Variants in ATP8B3 observed in about 807,000 individuals in gnomAD.
The protein encoded by ATP8B3 is ATPase phospholipid transporting 8B3, also known as phospholipid-transporting ATPase IK.
Under a neutral mutation model 140.9 loss-of-function variants are expected in ATP8B3, and 141 were observed. The observed-to-expected ratio is 1.00, with a 90% CI of 0.87 to 1.15. The LOEUF is 1.15. Among genes scored for constraint, ATP8B3 ranks in the 50% most tolerant of loss-of-function variants. The pLI is 0.00. For missense variants in ATP8B3, 1,874 were observed against 1,740.6 expected (o/e 1.08, Z -1.36); for synonymous variants, 765 against 714.6 (o/e 1.07, Z -1.13).
rs759376075 is a variant in ATP8B3, at chr19:1,811,504, T to G, written c.233A>C (p.Glu78Ala). 6.2e-7 allele frequency: 1 copy of G among 1,611,824 alleles called. No homozygotes were observed. The highest frequency in any genetic ancestry group is 2.2e-5 in the East Asian group (1 of 44,856). The change falls in exon 2 of 29, where the codon GAA becomes GCA. Residue 78 changes from glutamate (E) to alanine (A), a missense_variant. By Grantham distance (107) the Glu-to-Ala change is moderately radical. Transcript: ENST00000310127. ...CCGTCCTCACCCTTCTGGTCTCCAT[T>G]CATACTTCCTAGCCCGGCCAGGCTG... ...KAQPGRARKY[E>A]WRPEGPTSMG...
At chr19:1,797,069 C>G (rs1224647210) in intron 14 of ATP8B3, 64 bp from the exon 15 acceptor site, 18 of 1,608,254 alleles carry the variant, frequency 1.1e-5, no homozygotes, top group Non-Finnish European at 1.5e-5. Flanking sequence ...TCCCATAGCC[C>G]CTGACCCCTA....
At chr19:1,784,274 T>C (rs1399169474) in intron 28 of ATP8B3, among the ~76,000 whole-genome samples, 2 of 152,152 alleles carry the variant, frequency 1.3e-5, no homozygotes, top group East Asian at 3.9e-4. Context: ...CAACATGTTA[T>C]GAGGCCAAGG....
At chr19:1,811,343 G>C in intron 2 of ATP8B3, 146 bp downstream of exon 2, 1 of 1,154,132 alleles carries the variant, frequency 8.7e-7, no homozygotes, top group South Asian at 1.7e-5. Context: ...GCCCTGCACC[G>C]GGGGCCCTGG....
At chr19:1,802,364 T>G in intron 11 of ATP8B3, 123 bp downstream of exon 11, 1 of 753,960 alleles carries the variant, frequency 1.3e-6, no homozygotes, top group South Asian at 1.8e-5. Flanking sequence ...TATTTGTCTA[T>G]CCATCCATGC....
chr19:1,798,503 C>T (rs540947487), intron 14 of ATP8B3, among the ~76,000 whole-genome samples: 2 of 152,116 alleles, frequency 1.3e-5, no homozygotes, highest in East Asian at 3.9e-4. Context: ...CTTTGGGAGG[C>T]TGAGGCAGGC....
chr19:1,800,948 C>T lies in ATP8B3; in HGVS notation c.1153-499G>A, dbSNP rs916635037. Reference sequence around the variant, plus strand: ...GGTTCACACCATTCTCCTGCCTCAGCCTCCCGAGTAGCTGGGACTACAGGC... The same window carrying T: ...GGTTCACACCATTCTCCTGCCTCAGTCTCCCGAGTAGCTGGGACTACAGGC... On this transcript the variant is annotated intron_variant, in intron 12 of 28. Transcript: ENST00000310127. The surrounding 1 kb of genome is among the most constrained non-coding windows in gnomAD (Gnocchi z 4.4). 2.6e-5 allele frequency among the ~76,000 whole-genome samples: 4 copies of T among 151,404 alleles called. No individual in the cohort carries two copies. Among genetic ancestry groups the T allele is most frequent in the African/African-American group, 9.7e-5 (4 of 41,292 alleles).
At position 1,806,129 on chromosome 19, in the gene ATP8B3, C is replaced by T. The variant is rs774962930; in HGVS notation, c.718G>A (p.Val240Met). Reference protein sequence around the residue: ...KKWQDLCVGDVVCLRKDNIVP... With the variant: ...KKWQDLCVGDMVCLRKDNIVP... ...ATGTTGTCCTTGCGGAGACAGACCA[C>T]ATCCCCCACGCACAGATCCTGCCAT... The change falls in exon 8 of 29, where the codon GTG (valine) becomes ATG (methionine). Residue 240 changes from valine to methionine, a missense_variant. By Grantham distance (21) the Val-to-Met change is conservative. Coordinates refer to ENST00000310127, the MANE Select transcript of ATP8B3 (RefSeq NM_138813.4). The surrounding 1 kb of genome is among the most constrained non-coding windows in gnomAD (Gnocchi z 5.6). 5 of 1,602,582 alleles carry T rather than the reference C, an allele frequency of 3.1e-6. No homozygotes were observed. The African/African-American group carries it at 5.4e-5, about 17-fold the overall frequency.
Position 1,789,679 on chromosome 19 carries a change from T to C in ATP8B3, c.2527A>G (p.Asn843Asp). 1 of 1,599,194 alleles carries C rather than the reference T, an allele frequency of 6.3e-7. No individual in the cohort carries two copies. Among genetic ancestry groups the C allele is most frequent in the Non-Finnish European group, 8.5e-7 (1 of 1,175,698 alleles). Residue 843 changes from asparagine to aspartate, a missense_variant, in exon 23 of 29, where the codon AAC becomes GAC. Coordinates refer to ENST00000310127, the MANE Select transcript of ATP8B3 (RefSeq NM_138813.4). ...LRKEPRALAQ[N>D]VNMDEAWQEL... ...TGCCACGCCTCGTCCATGTTCACGT[T>C]CTGCGCCAGGGCGCGCGGCTCCTTC...
Position 1,783,041 on chromosome 19 carries a change from T to C in ATP8B3, c.3890A>G (p.Lys1297Arg). 6.2e-7 allele frequency: 1 copy of C among 1,607,686 alleles called. No homozygotes were observed. Among genetic ancestry groups the C allele is most frequent in the Non-Finnish European group, 8.5e-7 (1 of 1,177,278 alleles). Residue 1297 changes from lysine to arginine, a missense_variant, in exon 29 of 29, where the codon AAA becomes AGA. Physicochemically the swap from Lys to Arg is conservative, Grantham distance 26. Around this residue, in one of 3 missense-constraint regions of ATP8B3, gnomAD observed 840 missense variants for 760.9 expected, o/e 1.10. Coordinates refer to ENST00000310127, the MANE Select transcript of ATP8B3 (RefSeq NM_138813.4). ...PSDEEAASSP[K>R]ESQ ...CTTCCTGAGGTGTCACTGTGACTCTTTTGGGCTCGAAGCTGCCTCTTCATC... is the reference window on the plus strand; with the variant it reads ...CTTCCTGAGGTGTCACTGTGACTCTCTTGGGCTCGAAGCTGCCTCTTCATC...
In ATP8B3 at chr19:1,805,801, G is replaced by T; in HGVS notation, c.821+87C>A. 6.5e-7 allele frequency: 1 copy of T among 1,530,124 alleles called. No homozygotes were observed. The highest frequency in any genetic ancestry group is 9.0e-7 in the Non-Finnish European group (1 of 1,114,834). The allele number at this position is 1,530,124 out of a possible 1,614,324, so 94.8% of individuals were successfully genotyped here. On this transcript the variant is annotated intron_variant, in intron 9 of 28. Transcript: ENST00000310127. The surrounding 1 kb of genome is among the most constrained non-coding windows in gnomAD (Gnocchi z 5.2). ...CAAAGTCTCTGAGCGACCTTGGCTG[G>T]CCGCCTCCTTGGTGACTGGGGAAGG...
Position 1,805,043 on chromosome 19 carries a change from C to T in ATP8B3, c.904+331G>A. The T allele has an allele frequency of 3.4e-5, 13 of 385,158 alleles. No individual in the cohort carries two copies. The highest frequency in any genetic ancestry group is 2.6e-4 in the South Asian group (12 of 46,890). 23.9% of individuals were successfully genotyped at this position (385,158 alleles called of 1,614,324 possible). Reference sequence around the variant, plus strand: ...CAGGCTGAGTGCAGTGATGTGATCACAGCTCACTGCAGCCTCAGCCTCCCT... The same window carrying T: ...CAGGCTGAGTGCAGTGATGTGATCATAGCTCACTGCAGCCTCAGCCTCCCT... On this transcript the variant is annotated intron_variant, in intron 10 of 28. Coordinates refer to ENST00000310127, the MANE Select transcript of ATP8B3 (RefSeq NM_138813.4). This position sits in a 1 kb window ranked among gnomAD's most constrained non-coding sequence, Gnocchi z 5.2.
rs779737334 is a variant in ATP8B3, at chr19:1,789,746, G to C, written c.2479-19C>G. 5.8e-6 allele frequency: 9 copies of C among 1,543,060 alleles called. No individual in the cohort carries two copies. The Admixed American group carries it at 1.5e-4, about 26-fold the overall frequency. Reference sequence around the variant, plus strand: ...GTTTGTCCTGGCCGGCGGGGAGGGGGCTGTGCCAGGCGCCGTGGCCTCCAG... The same window carrying C: ...GTTTGTCCTGGCCGGCGGGGAGGGGCCTGTGCCAGGCGCCGTGGCCTCCAG... On this transcript the variant is annotated intron_variant, in intron 22 of 28. Transcript: ENST00000310127.
chr19:1,786,137 T>C (rs1309256460), intron 25 of ATP8B3, among the ~76,000 whole-genome samples: 1 of 149,964 alleles, frequency 6.7e-6, no homozygotes, highest in Non-Finnish European at 1.5e-5. Flanking sequence ...GTCTACAGAA[T>C]AAAATAAAAT....
intron 14 of ATP8B3, among the ~76,000 whole-genome samples, chr19:1,798,211 T>A (rs889037312): frequency 1.3e-5 from 2 of 151,878 alleles, no homozygotes; most frequent in African/African-American, 4.8e-5. Context: ...CCTCAGGTGA[T>A]CCACCCGCCT....
Position 1,795,956 on chromosome 19 carries a change from G to A in ATP8B3, c.1974C>T (p.Tyr658=), listed in dbSNP as rs773841261. 1.9e-6 allele frequency: 3 copies of A among 1,613,274 alleles called. No individual in the cohort carries two copies. Among genetic ancestry groups the A allele is most frequent in the Non-Finnish European group, 1.7e-6 (2 of 1,179,862 alleles). Residue 658 remains tyrosine (Y), a synonymous_variant, in exon 18 of 29, where the codon TAC becomes TAT. Transcript: ENST00000310127. Reference sequence around the variant, plus strand: ...AGATGACCGTGTCGGCGCCCTTGGTGTACAGGCAGATGGCGCCCTCTGGCT... The same window carrying A: ...AGATGACCGTGTCGGCGCCCTTGGTATACAGGCAGATGGCGCCCTCTGGCT... ...VRKPEGAICL[Y]TKGADTVIFE... is the part of the protein sequence containing the mutation.
chr19:1,800,556 A>C lies in ATP8B3; in HGVS notation c.1153-107T>G. ...AGGCTGGGGCTGGGCACAGTGGCTC[A>C]TGCCTGTAATCTCAGCACTTCAGGA... On this transcript the variant is annotated intron_variant, in intron 12 of 28. Coordinates refer to ENST00000310127, the MANE Select transcript of ATP8B3 (RefSeq NM_138813.4). This position sits in a 1 kb window ranked among gnomAD's most constrained non-coding sequence, Gnocchi z 4.4. 2.0e-6 allele frequency: 2 copies of C among 1,019,352 alleles called. No individual in the cohort carries two copies. Among genetic ancestry groups the C allele is most frequent in the Non-Finnish European group, 1.4e-6 (1 of 692,494 alleles). 63.1% of individuals were successfully genotyped at this position (1,019,352 alleles called of 1,614,324 possible). A position where few individuals can be genotyped will look rare whatever the true frequency, so the allele number is the denominator to read the frequency against.
At chr19:1,795,505 T>C (rs1190485662) in intron 18 of ATP8B3, among the ~76,000 whole-genome samples, 1 of 152,038 alleles carries the variant, frequency 6.6e-6, no homozygotes, top group Non-Finnish European at 1.5e-5. Flanking sequence ...GAGCCAAGAC[T>C]GTGCCACTGC....
At chr19:1,791,340 T>A (rs529319682) in intron 20 of ATP8B3, among the ~76,000 whole-genome samples, 12 of 149,702 alleles carry the variant, frequency 8.0e-5, no homozygotes, top group African/African-American at 3.0e-4. Context: ...TTCTCTGGAG[T>A]AGCTGAGACC....
At position 1,789,140 on chromosome 19, in the gene ATP8B3, G is replaced by T. The variant is rs770151981; in HGVS notation, c.2846-20C>A. 6.5e-7 allele frequency: 1 copy of T among 1,545,326 alleles called. No homozygotes were observed. The highest frequency in any genetic ancestry group is 2.4e-5 in the East Asian group (1 of 41,972). ...CCGCGGCTGCAGGGCACAAGCAGCTGGTCAGCCCCCCGCACGCCCCCAGTC... is the reference window on the plus strand; with the variant it reads ...CCGCGGCTGCAGGGCACAAGCAGCTTGTCAGCCCCCCGCACGCCCCCAGTC... On this transcript the variant is annotated intron_variant, in intron 23 of 28. Transcript: ENST00000310127.
Sources: allele counts gnomAD v4.1 joint callset (sites outside exome capture counted in the v4.1 genomes callset), GRCh38; gene constraint gnomAD v4.1.1; regional missense constraint gnomAD v4.1.1; non-coding constraint Gnocchi (gnomAD v3.1); transcripts MANE v1.5; gene names NCBI Gene and HGNC (gene_info 2026-07-23, HGNC 2026-07-21).